Variants in SLC35A5 observed in about 807,000 individuals in gnomAD.
SLC35A5 encodes the protein solute carrier family 35 member A5.
Under a neutral mutation model 36.3 loss-of-function variants are expected in SLC35A5, and 28 were observed. The ratio of observed to expected loss-of-function variants is 0.77; its 90% CI spans 0.57 to 1.06. The LOEUF (loss-of-function observed/expected upper bound fraction) is 1.06. SLC35A5 is among the 50% of genes least tolerant of loss of function. The probability of loss-of-function intolerance (pLI) is 0.00; values close to 1 mark genes in which losing one functional copy is unlikely to be tolerated. For missense variants in SLC35A5, 521 were observed against 499.3 expected (o/e 1.04, Z -0.41); for synonymous variants, 180 against 173.7 (o/e 1.04, Z -0.29).
At chr3:112,566,376 C>T (rs80042919) in intron 2 of SLC35A5, among the ~76,000 whole-genome samples, 16 of 152,194 alleles carry the variant, frequency 1.1e-4, no homozygotes, top group African/African-American at 2.4e-4. Flanking sequence ...GGTAGGTTTT[C>T]GTTTGGATAT....
chr3:112,577,952 C>T (rs1162611751), intron 5 of SLC35A5, among the ~76,000 whole-genome samples: 3 of 152,138 alleles, frequency 2.0e-5, no homozygotes, highest in South Asian at 2.1e-4. Context: ...TGTCTTCATA[C>T]CCTGCACTAG....
At chr3:112,577,803 A>G (rs148310420) in intron 5 of SLC35A5, among the ~76,000 whole-genome samples, 15 of 152,368 alleles carry the variant, frequency 9.8e-5, no homozygotes, top group Non-Finnish European at 2.1e-4. Flanking sequence ...GCATTTCTCC[A>G]GAATCATTCA....
At chr3:112,572,901 T>C (rs983829455) in intron 4 of SLC35A5, among the ~76,000 whole-genome samples, 3 of 152,228 alleles carry the variant, frequency 2.0e-5, no homozygotes, top group African/African-American at 7.2e-5. Context: ...CACTTTCCTC[T>C]TTTCCTCTTA....
chr3:112,569,322 T>C (rs1934333957), intron 3 of SLC35A5, 53 bp downstream of exon 3: 3 of 1,377,724 alleles, frequency 2.2e-6, no homozygotes, highest in South Asian at 2.4e-5. Context: ...CAAAAAATGT[T>C]AGAACTGGAA....
chr3:112,569,816 C>T (rs1465816393), intron 3 of SLC35A5, among the ~76,000 whole-genome samples: 2 of 152,172 alleles, frequency 1.3e-5, no homozygotes, highest in Non-Finnish European at 2.9e-5. Flanking sequence ...ACCTTAGTTC[C>T]CCAATTATTG....
chr3:112,570,197 G>T (rs1934377005), intron 3 of SLC35A5, among the ~76,000 whole-genome samples: 1 of 133,554 alleles, frequency 7.5e-6, no homozygotes, highest in African/African-American at 2.8e-5. Context: ...AAAAATTCCA[G>T]TATGAAGCCT....
rs1935053840 is a variant in SLC35A5 at position 112,584,124 on chromosome 3, G to A, written c.*1388G>A. 6.6e-6 allele frequency: 1 copy of A among 152,060 alleles called. No homozygotes were observed. Among genetic ancestry groups the A allele is most frequent in the South Asian group, 2.1e-4 (1 of 4,830 alleles). The allele number at this position is 152,060 out of a possible 1,614,324, so 9.4% of individuals were successfully genotyped here. ...AATAATATGACTGGCAAGAATTGGT[G>A]GAAATTTGTAATTAAAATAATTATT... On this transcript the variant is annotated 3_prime_UTR_variant, in exon 7 of 7. Transcript: ENST00000492406.
intron 1 of SLC35A5, among the ~76,000 whole-genome samples, chr3:112,562,595 CCT>C (rs1427358534): frequency 6.6e-6 from 1 of 152,222 alleles, no homozygotes; most frequent in East Asian, 1.9e-4. Flanking sequence ...TCTACGATCT[CCT>C]CCATTTCAAA....
chr3:112,570,142 A>G (rs1934374709), intron 3 of SLC35A5, among the ~76,000 whole-genome samples: 1 of 152,180 alleles, frequency 6.6e-6, no homozygotes, highest in South Asian at 2.1e-4. Flanking sequence ...CCATATATAT[A>G]AATTTCGATT....
chr3:112,563,863 ATTTG>A (rs10601022), intron 2 of SLC35A5, among the ~76,000 whole-genome samples: 24,257 of 152,048 alleles, frequency 0.16, 4,531 homozygotes, highest in African/African-American at 0.45. Flanking sequence ...AGAAGGATAT[ATTTG>A]TTTGGTCACT....
chr3:112,563,503 A>T lies in SLC35A5; in HGVS notation c.100A>T (p.Ile34Phe), dbSNP rs1231848817. ...ATTCATTGCTTTAAGCTCAAGTCGC[A>T]TCTTACTAGTGAAGTATTCTGCCAA... ...AIFIALSSSR[I>F]LLVKYSANEE... The change falls in exon 2 of 7, where the codon ATC (isoleucine) becomes TTC (phenylalanine). Residue 34 changes from isoleucine to phenylalanine, a missense_variant. Ile to Phe is a conservative substitution (Grantham distance 21). Transcript: ENST00000492406. The T allele has an allele frequency of 6.2e-7, 1 of 1,606,878 alleles. No homozygotes were observed. The highest frequency in any genetic ancestry group is 8.5e-7 in the Non-Finnish European group (1 of 1,174,656).
At chr3:112,565,748 G>A (rs1934165343) in intron 2 of SLC35A5, among the ~76,000 whole-genome samples, 1 of 152,102 alleles carries the variant, frequency 6.6e-6, no homozygotes, top group Admixed American at 6.5e-5. Context: ...ACTCCAGCCT[G>A]GGCAACAGAG....
chr3:112,565,697 C>T (rs181398471), intron 2 of SLC35A5, among the ~76,000 whole-genome samples: 3 of 152,024 alleles, frequency 2.0e-5, no homozygotes, highest in Admixed American at 6.5e-5. Context: ...AGAATGAACC[C>T]GGGAGGCAGA....
intron 2 of SLC35A5, among the ~76,000 whole-genome samples, chr3:112,565,620 T>C (rs1934160792): frequency 6.6e-6 from 1 of 151,824 alleles, no homozygotes; most frequent in African/African-American, 2.4e-5. Flanking sequence ...CTACTAGAAA[T>C]ACAAAAAATT....
At chr3:112,561,510 T>C (rs1933878645), upstream of SLC35A5, 2 of 1,611,990 alleles carry the variant, frequency 1.2e-6, no homozygotes, top group African/African-American at 2.7e-5. Flanking sequence ...CCCTTCACAG[T>C]ATTAATCACA....
At chr3:112,562,657 T>C (rs1933977275) in intron 1 of SLC35A5, among the ~76,000 whole-genome samples, 1 of 152,204 alleles carries the variant, frequency 6.6e-6, no homozygotes, top group Non-Finnish European at 1.5e-5. Flanking sequence ...ATATTTCCAT[T>C]TTGGTCGTTA....
intron 2 of SLC35A5, among the ~76,000 whole-genome samples, chr3:112,566,044 GTGA>G (rs1181784097): frequency 1.3e-5 from 2 of 152,206 alleles, no homozygotes; most frequent in Non-Finnish European, 1.5e-5. Flanking sequence ...AAAGCCATAG[GTGA>G]TGAAGACTAA....
Position 112,573,886 on chromosome 3 carries a change from T to C in SLC35A5, c.361-3T>C, listed in dbSNP as rs1194470399. 3.7e-6 allele frequency: 6 copies of C among 1,611,078 alleles called. No homozygotes were observed. The Admixed American group carries it at 5.0e-5, about 13-fold the overall frequency. On this transcript the variant is annotated splice_region_variant and splice_polypyrimidine_tract_variant and intron_variant, in intron 4 of 6. Transcript: ENST00000492406. ...TGTAACTCTATCTTCTCTTTCTTTC[T>C]AGGCCATGGCTGTTATCTTCTCAAA...
chr3:112,568,726 G>A (rs1177095360), intron 2 of SLC35A5, among the ~76,000 whole-genome samples: 2 of 152,230 alleles, frequency 1.3e-5, no homozygotes, highest in Non-Finnish European at 2.9e-5. Context: ...TTAAGGGGAT[G>A]TCATAGACAG....
Sources: allele counts gnomAD v4.1 joint callset (sites outside exome capture counted in the v4.1 genomes callset), GRCh38; gene constraint gnomAD v4.1.1; transcripts MANE v1.5; gene names NCBI Gene and HGNC (gene_info 2026-07-23, HGNC 2026-07-21).